The following RLN2 variants were observed in gnomAD, a reference collection of about 807,000 sequenced individuals.
RLN2 encodes the protein prorelaxin H2.
In RLN2, 10 loss-of-function variants were observed where a neutral mutation model predicts 7.3. The ratio of observed to expected loss-of-function variants is 1.36; its 90% CI spans 0.84 to 2.31. The LOEUF (loss-of-function observed/expected upper bound fraction) is 2.31, where lower values mean the gene tolerates loss of function less well. RLN2 is among the 30% of genes most tolerant of loss of function. The pLI is 0.00. For synonymous variants in RLN2, 103 were observed against 82.3 expected, an observed-to-expected ratio of 1.25 and a Z score of -1.36; for missense variants, 298 against 217.6, an observed-to-expected ratio of 1.37 and a Z score of -2.32.
the RLN2 span, among the ~76,000 whole-genome samples, chr9:5,317,758 A>C: frequency 1.3e-5 from 2 of 152,020 alleles, no homozygotes; most frequent in Non-Finnish European, 2.9e-5. Flanking sequence ...AACTTGCAAA[A>C]GATGTAAATT....
At chr9:5,305,713 T>A (rs1816236167), upstream of RLN2, among the ~76,000 whole-genome samples, 1 of 152,052 alleles carries the variant, frequency 6.6e-6, no homozygotes, top group African/African-American at 2.4e-5. Context: ...TTCAGCTCCA[T>A]CAGATAAACT....
chr9:5,326,830 C>CTAAG, the RLN2 span, among the ~76,000 whole-genome samples: 85 of 151,934 alleles, frequency 5.6e-4, 1 homozygote, highest in South Asian at 2.3e-3. Context: ...AAAGTAAATA[C>CTAAG]TAAGTATTGA....
the RLN2 span, chr9:5,311,393 G>A: frequency 2.0e-6 from 1 of 491,650 alleles, no homozygotes; most frequent in Non-Finnish European, 3.7e-6. Flanking sequence ...GCTCTCATTG[G>A]ACACATTCTT....
chr9:5,325,040 G>C, the RLN2 span, among the ~76,000 whole-genome samples: 2 of 151,942 alleles, frequency 1.3e-5, no homozygotes, highest in African/African-American at 2.4e-5. Flanking sequence ...CAGAAACCAA[G>C]TTAGATAAGA....
chr9:5,313,136 C>A, the RLN2 span, among the ~76,000 whole-genome samples: 1 of 151,890 alleles, frequency 6.6e-6, no homozygotes, highest in East Asian at 1.9e-4. Context: ...TCCTTATTTT[C>A]TATCTAGATG....
At chr9:5,313,951 G>T in the RLN2 span, among the ~76,000 whole-genome samples, 2 of 151,982 alleles carry the variant, frequency 1.3e-5, no homozygotes, top group Non-Finnish European at 2.9e-5. Context: ...AGGATCAGTT[G>T]GAACCAGGGG....
intron 1 of RLN2, among the ~76,000 whole-genome samples, chr9:5,300,944 A>G (rs1429351674): frequency 6.6e-6 from 1 of 152,226 alleles, no homozygotes; most frequent in East Asian, 1.9e-4. Flanking sequence ...GGATAAAGTT[A>G]AAGAGGCAGA....
At chr9:5,329,778 T>C in the RLN2 span, among the ~76,000 whole-genome samples, 10 of 151,754 alleles carry the variant, frequency 6.6e-5, no homozygotes, top group South Asian at 2.1e-4. Flanking sequence ...TAGAGACATA[T>C]AAAGAGACTT....
the RLN2 span, among the ~76,000 whole-genome samples, chr9:5,327,737 C>G: frequency 1.3e-5 from 2 of 152,156 alleles, no homozygotes; most frequent in Non-Finnish European, 2.9e-5. Context: ...ATTTGCTGTT[C>G]TGTAGCCTCC....
At chr9:5,315,132 A>G in the RLN2 span, among the ~76,000 whole-genome samples, 2 of 151,850 alleles carry the variant, frequency 1.3e-5, 1 homozygote, top group African/African-American at 4.8e-5. Context: ...AAGAAAAGGA[A>G]GTTTATGAGT....
At chr9:5,331,694 C>A in the RLN2 span, among the ~76,000 whole-genome samples, 1 of 151,960 alleles carries the variant, frequency 6.6e-6, no homozygotes, top group East Asian at 1.9e-4. Flanking sequence ...GGAGGGATAG[C>A]ATTAGGAGAA....
At chr9:5,328,847 A>G in the RLN2 span, among the ~76,000 whole-genome samples, 12 of 152,184 alleles carry the variant, frequency 7.9e-5, no homozygotes, top group African/African-American at 2.9e-4. Context: ...TCATAAGTGA[A>G]GGAGAAATAA....
At chr9:5,319,398 A>G in the RLN2 span, among the ~76,000 whole-genome samples, 1 of 151,998 alleles carries the variant, frequency 6.6e-6, no homozygotes, top group Non-Finnish European at 1.5e-5. Context: ...AGAACGAGGG[A>G]GAAAACATGA....
chr9:5,311,652 C>A, the RLN2 span: 3 of 1,333,536 alleles, frequency 2.2e-6, no homozygotes, highest in African/African-American at 2.9e-5. Flanking sequence ...AATAACCCTG[C>A]AGAAAATGGA....
chr9:5,301,527 T>A (rs540915272), intron 1 of RLN2, among the ~76,000 whole-genome samples: 5 of 152,362 alleles, frequency 3.3e-5, no homozygotes, highest in African/African-American at 9.6e-5. Context: ...AGAAACACGA[T>A]GATGTTTAAA....
rs113283113 is a variant in RLN2 at position 5,304,407 on chromosome 9, G to C, written c.174C>G (p.Ser58Arg). ...GMSTWSKRSL[S>R]QEDAPQTPRP... Reference sequence around the variant, plus strand: ...TAGGTGTCTGAGGAGCATCTTCCTGGCTCAGAGACCTTTTGCTCCAGGTGC... The same window carrying C: ...TAGGTGTCTGAGGAGCATCTTCCTGCCTCAGAGACCTTTTGCTCCAGGTGC... Residue 58 changes from serine to arginine, a missense_variant, in exon 1 of 2, where the codon AGC (serine) becomes AGG (arginine). Ser to Arg is a moderately radical substitution (Grantham distance 110). Transcript: ENST00000381627. The C allele has an allele frequency of 1.1e-3, 1,739 of 1,608,870 alleles. 8 individuals are homozygous for C. In the African/African-American group the frequency reaches 0.019, roughly 18 times the overall value.
chr9:5,331,226 G>T, the RLN2 span, among the ~76,000 whole-genome samples: 3 of 151,958 alleles, frequency 2.0e-5, no homozygotes, highest in Non-Finnish European at 4.4e-5. Context: ...GAAAAAGAGG[G>T]AATCCTCCCT....
the RLN2 span, among the ~76,000 whole-genome samples, chr9:5,319,489 T>TC: frequency 6.6e-6 from 1 of 151,932 alleles, no homozygotes; most frequent in Admixed American, 6.6e-5. Context: ...AGTTCAAATA[T>TC]CAGATGCTAT....
At chr9:5,307,938 T>C (rs1472410161), upstream of RLN2, among the ~76,000 whole-genome samples, 3 of 152,088 alleles carry the variant, frequency 2.0e-5, no homozygotes, top group African/African-American at 7.2e-5. Flanking sequence ...TAGTTTTGTA[T>C]TTTCTACAAA....
Sources: gnomAD v4.1 joint callset for allele counts (sites outside exome capture counted in the v4.1 genomes callset) on GRCh38, gnomAD v4.1.1 for gene constraint, MANE v1.5 for transcripts, NCBI Gene and HGNC (gene_info 2026-07-23, HGNC 2026-07-21) for gene names.